SMG7: variants seen among roughly 807,000 people sequenced by gnomAD.
The protein encoded by SMG7 is nonsense-mediated mRNA decay factor SMG7.
A neutral mutation model predicts 148.2 loss-of-function variants in SMG7; 34 were observed. The observed-to-expected ratio is 0.23, with a 90% CI of 0.17 to 0.31. The LOEUF is 0.31. Among genes scored for constraint, SMG7 ranks in the 10% least tolerant of loss-of-function variants. SMG7 has a pLI of 1.00. For synonymous variants in SMG7, 492 were observed against 515.1 expected, an observed-to-expected ratio of 0.96 and a Z score of 0.61; for missense variants, 1,114 against 1,408.4, an observed-to-expected ratio of 0.79 and a Z score of 3.35.
At chr1:183,538,507 G>A (rs1668194889) in intron 12 of SMG7, 67 bp downstream of exon 12, 22 of 1,097,312 alleles carry the variant, frequency 2.0e-5, no homozygotes, top group Non-Finnish European at 2.8e-5. Flanking sequence ...CAGAGAATTG[G>A]GCTTGGATGT....
chr1:183,500,010 A>G (rs1659390911), intron 1 of SMG7, among the ~76,000 whole-genome samples: 1 of 152,168 alleles, frequency 6.6e-6, no homozygotes, highest in Non-Finnish European at 1.5e-5. Flanking sequence ...TGTTGCAAAA[A>G]AAGGACTATT....
rs1671244792 is a variant in SMG7 at position 183,552,654 on chromosome 1, C to T, written c.*723C>T. On this transcript the variant is annotated 3_prime_UTR_variant, in exon 23 of 23. Coordinates refer to ENST00000688051, the MANE Select transcript of SMG7 (RefSeq NM_001375584.1). The stretch of plus-strand genomic sequence containing the variant: ...CCCTTCACTCTGTAGGTGCTCGAGC[C>T]CCAATCGAGGATACAGTGTGGGTGG... 1.2e-5 allele frequency: 13 copies of T among 1,108,964 alleles called. 1 individual carries two copies. The South Asian group carries it at 3.3e-4, about 28-fold the overall frequency. 68.7% of individuals were successfully genotyped at this position (1,108,964 alleles called of 1,614,324 possible). A position where few individuals can be genotyped will look rare whatever the true frequency, so the allele number is the denominator to read the frequency against.
intron 6 of SMG7, 70 bp downstream of exon 6, chr1:183,528,097 A>G (rs1182615421): frequency 1.0e-5 from 12 of 1,159,204 alleles, no homozygotes; most frequent in Non-Finnish European, 1.5e-5. Flanking sequence ...CAGATAACTC[A>G]GGGCTCACCT....
Position 183,544,487 on chromosome 1 carries a change from C to T in SMG7, c.1977C>T (p.Pro659=). The T allele has an allele frequency of 6.2e-7, 1 of 1,613,648 alleles. No homozygotes were observed. The highest frequency in any genetic ancestry group is 8.5e-7 in the Non-Finnish European group (1 of 1,179,670). The change falls in exon 15 of 23, where the codon CCC becomes CCT. Residue 659 remains proline (P), a synonymous_variant. Transcript: ENST00000688051. ...ACCCTGGAGCCTTCCCTCCTCTTCC[C>T]AGCAGGCCAGGTAAATATGTTTTGT... ...IHHPGAFPPL[P]SRPGFPPPTY...
intron 4 of SMG7, 109 bp downstream of exon 4, chr1:183,517,929 T>A (rs77295213): frequency 9.1e-7 from 1 of 1,099,918 alleles, no homozygotes; most frequent in East Asian, 2.4e-5. Flanking sequence ...ATGTGGGCCA[T>A]CCAGGGATTG....
intron 10 of SMG7, among the ~76,000 whole-genome samples, chr1:183,535,884 A>G (rs1199190125): frequency 6.6e-6 from 1 of 151,970 alleles, no homozygotes; most frequent in Non-Finnish European, 1.5e-5. Context: ...CTTTTTTTCC[A>G]ACTATCTCTT....
At chr1:183,536,248 T>G (rs1667771530) in intron 10 of SMG7, among the ~76,000 whole-genome samples, 1 of 152,128 alleles carries the variant, frequency 6.6e-6, no homozygotes, top group Admixed American at 6.5e-5. Context: ...CAAAACCAAT[T>G]ATTTTAAGCT....
intron 12 of SMG7, among the ~76,000 whole-genome samples, chr1:183,539,200 C>G (rs1668344275): frequency 6.6e-6 from 1 of 152,034 alleles, no homozygotes; most frequent in African/African-American, 2.4e-5. Flanking sequence ...CACTTCAACT[C>G]CTGATCATTT....
intron 17 of SMG7, 73 bp downstream of exon 17, chr1:183,546,410 T>C (rs1669939774): frequency 6.8e-7 from 1 of 1,480,562 alleles, no homozygotes; most frequent in East Asian, 2.3e-5. Flanking sequence ...ATATCTCAAA[T>C]AGATCTTATA....
At chr1:183,500,522 T>C (rs1659487217) in intron 1 of SMG7, among the ~76,000 whole-genome samples, 1 of 152,344 alleles carries the variant, frequency 6.6e-6, no homozygotes, top group African/African-American at 2.4e-5. Context: ...GAGCAACTTG[T>C]ATGCTGTGCA....
chr1:183,512,235 T>C (rs1166526614), intron 1 of SMG7, among the ~76,000 whole-genome samples: 4 of 152,278 alleles, frequency 2.6e-5, no homozygotes, highest in East Asian at 3.9e-4. Context: ...TAAGAAGGGT[T>C]AGCAAGAACA....
At chr1:183,493,833 G>A (rs1318929797) in intron 1 of SMG7, among the ~76,000 whole-genome samples, 1 of 152,126 alleles carries the variant, frequency 6.6e-6, no homozygotes, top group Non-Finnish European at 1.5e-5. Context: ...GCCCGCCCTG[G>A]CCTCCCAGAG....
intron 1 of SMG7, among the ~76,000 whole-genome samples, chr1:183,482,359 A>G (rs919097309): frequency 3.3e-5 from 5 of 152,016 alleles, no homozygotes; most frequent in Admixed American, 6.6e-5. Context: ...AGATTTATAT[A>G]ATGCCTACAG....
chr1:183,474,905 G>T (rs931831444), intron 1 of SMG7, among the ~76,000 whole-genome samples: 2 of 152,220 alleles, frequency 1.3e-5, no homozygotes, highest in African/African-American at 4.8e-5. Flanking sequence ...ACTGAGCAGA[G>T]TTATGTAGGT....
chr1:183,517,328 G>A (rs912248015), intron 3 of SMG7, among the ~76,000 whole-genome samples: 1 of 152,122 alleles, frequency 6.6e-6, no homozygotes, highest in African/African-American at 2.4e-5. Context: ...CATCACATTT[G>A]GCACTATATG....
At chr1:183,473,635 A>T (rs1037238302) in intron 1 of SMG7, 12 of 561,878 alleles carry the variant, frequency 2.1e-5, no homozygotes, top group African/African-American at 2.0e-4. Flanking sequence ...GAGAAAAGTA[A>T]GGTTGTTAGA....
chr1:183,541,212 C>A, intron 13 of SMG7, 109 bp downstream of exon 13: 2 of 996,720 alleles, frequency 2.0e-6, no homozygotes, highest in South Asian at 1.5e-5. Context: ...GTATTTTAGG[C>A]TTTGGTATAA....
chr1:183,490,501 A>G (rs902157779), intron 1 of SMG7, among the ~76,000 whole-genome samples: 17 of 152,234 alleles, frequency 1.1e-4, no homozygotes, highest in African/African-American at 3.6e-4. Context: ...AATAACTATT[A>G]TAAATGTATA....
intron 21 of SMG7, 43 bp from the exon 22 acceptor site, chr1:183,551,002 A>G: frequency 2.5e-6 from 4 of 1,613,756 alleles, no homozygotes; most frequent in Non-Finnish European, 2.5e-6. Flanking sequence ...TGGCAGTGAT[A>G]GAACATCTTC....
Sources: allele counts gnomAD v4.1 joint callset (sites outside exome capture counted in the v4.1 genomes callset), GRCh38; gene constraint gnomAD v4.1.1; transcripts MANE v1.5; gene names NCBI Gene and HGNC (gene_info 2026-07-23, HGNC 2026-07-21).